The following GABRB1 variants were observed in gnomAD, a reference collection of about 807,000 sequenced individuals.
GABRB1 encodes gamma-aminobutyric acid receptor subunit beta-1.
Under a neutral mutation model 51.6 loss-of-function variants are expected in GABRB1, and 17 were observed. That is an observed-to-expected ratio of 0.33 (90% confidence interval 0.23 to 0.49). The LOEUF is 0.49. Ranked by LOEUF, GABRB1 falls within the 20% of genes least tolerant of loss-of-function variation. The pLI is 0.99. For synonymous variants in GABRB1, 247 were observed against 218.9 expected, an observed-to-expected ratio of 1.13 and a Z score of -1.14; for missense variants, 410 against 600.6, an observed-to-expected ratio of 0.68 and a Z score of 3.32.
chr4:47,294,218 T>G (rs1049652676), intron 4 of GABRB1, among the ~76,000 whole-genome samples: 1 of 152,170 alleles, frequency 6.6e-6, no homozygotes, highest in Non-Finnish European at 1.5e-5. Context: ...TCTGAGGTAC[T>G]GGGTTCATCT....
chr4:47,226,374 C>T (rs925618082), intron 4 of GABRB1, among the ~76,000 whole-genome samples: 5 of 151,990 alleles, frequency 3.3e-5, no homozygotes, highest in African/African-American at 7.2e-5. Context: ...CAATACCAGA[C>T]GAAAGAATAT....
chr4:47,412,832 T>G (rs569611495), intron 8 of GABRB1, among the ~76,000 whole-genome samples: 89 of 152,286 alleles, frequency 5.8e-4, no homozygotes, highest in African/African-American at 1.9e-3. Flanking sequence ...GAAAGATTGG[T>G]CAGACCAGGT....
At chr4:47,116,792 T>C (rs888179891) in intron 3 of GABRB1, among the ~76,000 whole-genome samples, 11 of 152,136 alleles carry the variant, frequency 7.2e-5, no homozygotes, top group Non-Finnish European at 1.6e-4. Context: ...AGAGGTTTAA[T>C]TGACTCACAG....
At chr4:47,393,836 A>G (rs6825556) in intron 5 of GABRB1, among the ~76,000 whole-genome samples, 81,789 of 152,122 alleles carry the variant, frequency 0.54, 23,592 homozygotes, top group African/African-American at 0.73. Context: ...GTAAGGCCAC[A>G]CCTAACCCAC....
chr4:47,266,810 C>T (rs1205062111), intron 4 of GABRB1, among the ~76,000 whole-genome samples: 1 of 151,946 alleles, frequency 6.6e-6, no homozygotes, highest in East Asian at 1.9e-4. Context: ...GTTGAGGGTC[C>T]AGTTTATGTT....
intron 3 of GABRB1, among the ~76,000 whole-genome samples, chr4:47,040,957 T>C (rs1476047248): frequency 6.6e-6 from 1 of 152,118 alleles, no homozygotes; most frequent in East Asian, 1.9e-4. Flanking sequence ...TAAAACCTTA[T>C]AGGTAGGGGA....
intron 5 of GABRB1, among the ~76,000 whole-genome samples, chr4:47,375,872 T>G (rs1225304576): frequency 2.0e-5 from 3 of 152,128 alleles, no homozygotes; most frequent in African/African-American, 7.2e-5. Context: ...CAAAGGTGAC[T>G]GGGCGGATGA....
At chr4:47,235,640 A>C (rs1024884764) in intron 4 of GABRB1, among the ~76,000 whole-genome samples, 3 of 152,032 alleles carry the variant, frequency 2.0e-5, no homozygotes, top group African/African-American at 4.8e-5. Context: ...CTAAATTTAT[A>C]TATCAGAAAC....
At chr4:47,094,853 G>C (rs1714326424) in intron 3 of GABRB1, among the ~76,000 whole-genome samples, 1 of 152,064 alleles carries the variant, frequency 6.6e-6, no homozygotes, top group Non-Finnish European at 1.5e-5. Context: ...CAAGAGTTGA[G>C]GTGTCCAAGC....
rs369649820 is a variant in GABRB1 at position 47,403,302 on chromosome 4, T to A, written c.545-16T>A. The A allele has an allele frequency of 1.2e-6, 2 of 1,612,984 alleles. No homozygotes were observed. Among genetic ancestry groups the A allele is most frequent in the South Asian group, 2.2e-5 (2 of 90,826 alleles). On this transcript the variant is annotated splice_polypyrimidine_tract_variant and intron_variant, in intron 5 of 8. Transcript: ENST00000295454. ...TCCTAAACTTTGTTTAACCGTGCTG[T>A]TTTTATTGGTTTCAGATGGCTATAC...
At chr4:47,061,861 G>A (rs964963413) in intron 3 of GABRB1, among the ~76,000 whole-genome samples, 7 of 151,990 alleles carry the variant, frequency 4.6e-5, no homozygotes, top group African/African-American at 1.7e-4. Flanking sequence ...TTTTCCTCAG[G>A]TGAATTTTTT....
At chr4:47,306,314 G>A (rs1410522567) in intron 4 of GABRB1, among the ~76,000 whole-genome samples, 1 of 150,858 alleles carries the variant, frequency 6.6e-6, no homozygotes, top group Non-Finnish European at 1.5e-5. Flanking sequence ...GGGAAGAGGA[G>A]GGGTGGGGTA....
chr4:47,225,614 T>C (rs998218063), intron 4 of GABRB1, among the ~76,000 whole-genome samples: 1 of 152,160 alleles, frequency 6.6e-6, no homozygotes, highest in Non-Finnish European at 1.5e-5. Flanking sequence ...GAACTGATCA[T>C]TCTATGCTTA....
chr4:47,061,896 G>A (rs971071705), intron 3 of GABRB1, among the ~76,000 whole-genome samples: 2 of 151,988 alleles, frequency 1.3e-5, no homozygotes, highest in Non-Finnish European at 2.9e-5. Context: ...TCAGTTTAGC[G>A]CCTCTTAAAT....
intron 4 of GABRB1, among the ~76,000 whole-genome samples, chr4:47,286,364 A>G (rs899445028): frequency 2.0e-5 from 3 of 152,162 alleles, no homozygotes; most frequent in African/African-American, 7.2e-5. Context: ...TATTTTATAT[A>G]AGTATATTGT....
intron 5 of GABRB1, among the ~76,000 whole-genome samples, chr4:47,329,390 T>C (rs1725381330): frequency 6.7e-6 from 1 of 149,598 alleles, no homozygotes; most frequent in Non-Finnish European, 1.5e-5. Context: ...ATATAATGTA[T>C]AATATAAAAT....
intron 4 of GABRB1, among the ~76,000 whole-genome samples, chr4:47,220,796 A>T (rs1456983448): frequency 6.6e-6 from 1 of 151,668 alleles, no homozygotes; most frequent in Non-Finnish European, 1.5e-5. Context: ...TTCATCTATT[A>T]TCTTGCTCTC....
At chr4:47,228,672 A>G (rs1319124993) in intron 4 of GABRB1, among the ~76,000 whole-genome samples, 1 of 152,142 alleles carries the variant, frequency 6.6e-6, no homozygotes. Context: ...CACCGAAAGT[A>G]GGACTGGGCA....
chr4:47,090,002 C>T (rs1013772271), intron 3 of GABRB1, among the ~76,000 whole-genome samples: 1 of 152,106 alleles, frequency 6.6e-6, no homozygotes, highest in Non-Finnish European at 1.5e-5. Context: ...TGATTTCTGG[C>T]TAACGTAATT....
Sources: gnomAD v4.1 joint callset for allele counts (sites outside exome capture counted in the v4.1 genomes callset) on GRCh38, gnomAD v4.1.1 for gene constraint, MANE v1.5 for transcripts, NCBI Gene and HGNC (gene_info 2026-07-23, HGNC 2026-07-21) for gene names.